Variants in ZSWIM6 observed in about 807,000 individuals in gnomAD.
The protein encoded by ZSWIM6 is zinc finger SWIM domain-containing protein 6.
A neutral mutation model predicts 113.2 loss-of-function variants in ZSWIM6; 9 were observed. That is an observed-to-expected ratio of 0.08 (90% CI 0.05 to 0.14). ZSWIM6 has a LOEUF of 0.14. ZSWIM6 is among the 10% of genes least tolerant of loss of function. The probability of loss-of-function intolerance (pLI) is 1.00; values close to 1 mark genes in which losing one functional copy is unlikely to be tolerated. For synonymous variants in ZSWIM6, 611 were observed against 606.5 expected (o/e 1.01, Z -0.11); for missense variants, 1,162 against 1,552.2 (o/e 0.75, Z 4.22).
chr5:61,541,161 C>G (rs912882195), intron 12 of ZSWIM6, among the ~76,000 whole-genome samples: 1 of 151,992 alleles, frequency 6.6e-6, no homozygotes, highest in Non-Finnish European at 1.5e-5. Flanking sequence ...CCAGGCTGGT[C>G]TCAAACTCCT....
At chr5:61,368,923 G>A (rs1247980234) in intron 1 of ZSWIM6, among the ~76,000 whole-genome samples, 1 of 152,132 alleles carries the variant, frequency 6.6e-6, no homozygotes, top group Admixed American at 6.5e-5. Flanking sequence ...CCTATGATGG[G>A]GTGATAATAC....
chr5:61,515,400 G>A (rs978905350), intron 4 of ZSWIM6, among the ~76,000 whole-genome samples: 4 of 152,134 alleles, frequency 2.6e-5, no homozygotes, highest in African/African-American at 9.7e-5. Flanking sequence ...CTCCCAAAGT[G>A]CTGGGATTAC....
chr5:61,366,021 A>G (rs1181268698), intron 1 of ZSWIM6, among the ~76,000 whole-genome samples: 1 of 152,028 alleles, frequency 6.6e-6, no homozygotes, highest in African/African-American at 2.4e-5. Flanking sequence ...TCCTCCCACC[A>G]GTAGCTGGGA....
At chr5:61,501,998 T>A (rs1748481056) in intron 4 of ZSWIM6, among the ~76,000 whole-genome samples, 1 of 152,152 alleles carries the variant, frequency 6.6e-6, no homozygotes, top group African/African-American at 2.4e-5. Flanking sequence ...GGAAGTCTCC[T>A]TACTAGGCTG....
chr5:61,503,977 G>A, intron 4 of ZSWIM6, among the ~76,000 whole-genome samples: 1 of 152,148 alleles, frequency 6.6e-6, no homozygotes, highest in Middle Eastern at 3.4e-3. Flanking sequence ...AATAGTGAAA[G>A]TAATTTTTAT....
At chr5:61,338,377 A>G (rs1246131065) in intron 1 of ZSWIM6, among the ~76,000 whole-genome samples, 1 of 152,182 alleles carries the variant, frequency 6.6e-6, no homozygotes, top group Non-Finnish European at 1.5e-5. Context: ...TTTCAAGGTT[A>G]ATATAGAATA....
At chr5:61,335,058 T>C (rs1744365078) in intron 1 of ZSWIM6, among the ~76,000 whole-genome samples, 1 of 152,238 alleles carries the variant, frequency 6.6e-6, no homozygotes, top group Non-Finnish European at 1.5e-5. Context: ...GGCAATCTTC[T>C]CTAGGAGACA....
At chr5:61,430,808 A>G (rs1397279958) in intron 1 of ZSWIM6, among the ~76,000 whole-genome samples, 1 of 152,224 alleles carries the variant, frequency 6.6e-6, no homozygotes, top group East Asian at 1.9e-4. Flanking sequence ...TACCTTGATC[A>G]TTCCAATGAA....
chr5:61,386,696 T>A (rs974067901), intron 1 of ZSWIM6, among the ~76,000 whole-genome samples: 2 of 152,138 alleles, frequency 1.3e-5, no homozygotes, highest in Non-Finnish European at 2.9e-5. Context: ...GAAACTTGAG[T>A]GTTGCTAATC....
intron 1 of ZSWIM6, among the ~76,000 whole-genome samples, chr5:61,357,679 A>C (rs1429787754): frequency 6.6e-6 from 1 of 151,950 alleles, no homozygotes; most frequent in Non-Finnish European, 1.5e-5. Flanking sequence ...CTCATGTAGT[A>C]ATTACAGTTT....
chr5:61,416,174 AAGGAATAG>A (rs1746248762), intron 1 of ZSWIM6, among the ~76,000 whole-genome samples: 1 of 152,178 alleles, frequency 6.6e-6, no homozygotes, highest in Non-Finnish European at 1.5e-5. Context: ...AGATTCTTGG[AAGGAATAG>A]AGAGGAAGGA....
At chr5:61,361,725 G>A (rs889350473) in intron 1 of ZSWIM6, among the ~76,000 whole-genome samples, 134 of 152,326 alleles carry the variant, frequency 8.8e-4, no homozygotes, top group African/African-American at 3.1e-3. Flanking sequence ...TCAGGATAAA[G>A]CCTTGGGACA....
chr5:61,336,676 AC>A lies in ZSWIM6; in HGVS notation c.676+3731del, dbSNP rs374874649. Among the ~76,000 whole-genome samples, 72 of 152,036 alleles carry A rather than the reference AC, an allele frequency of 4.7e-4. No homozygotes were observed. The East Asian group carries it at 9.3e-3, about 20-fold the overall frequency. Reference sequence around the variant, plus strand: ...AAGCTGAGGCAGAAGAATGGCTTGAACCCGGGAAGCGGAGGTTGCAGTGAAC... The same window carrying A: ...AAGCTGAGGCAGAAGAATGGCTTGAACCGGGAAGCGGAGGTTGCAGTGAAC... On this transcript the variant is annotated intron_variant, in intron 1 of 13. Coordinates refer to ENST00000252744, the MANE Select transcript of ZSWIM6 (RefSeq NM_020928.2).
At position 61,376,328 on chromosome 5, in the gene ZSWIM6, G is replaced by A. The variant is rs1408359397; in HGVS notation, c.676+43380G>A. Among the ~76,000 whole-genome samples the A allele has an allele frequency of 6.8e-5, 10 of 146,064 alleles. No individual in the cohort carries two copies. The South Asian group carries it at 2.0e-3, about 30-fold the overall frequency. ...CCCTCGTATACTTTTATTTACCTGG[G>A]GAAGGAGCTTTTAGGGTTGGGGGGT... is the stretch of plus-strand genomic sequence containing the variant. On this transcript the variant is annotated intron_variant, in intron 1 of 13. Coordinates refer to ENST00000252744, the MANE Select transcript of ZSWIM6 (RefSeq NM_020928.2).
intron 1 of ZSWIM6, among the ~76,000 whole-genome samples, chr5:61,410,728 A>G (rs1376196147): frequency 6.6e-6 from 1 of 152,242 alleles, no homozygotes; most frequent in Non-Finnish European, 1.5e-5. Flanking sequence ...GTTGTAAACT[A>G]CTGTTACATT....
chr5:61,487,752 G>A (rs911407848), intron 2 of ZSWIM6, among the ~76,000 whole-genome samples: 10 of 151,994 alleles, frequency 6.6e-5, no homozygotes, highest in African/African-American at 2.2e-4. Flanking sequence ...TACTGAATTC[G>A]TTTATCAAAT....
rs1027348356 is a variant in ZSWIM6, at chr5:61,433,382, G to C, written c.677-39299G>C. Among the ~76,000 whole-genome samples the C allele has an allele frequency of 2.0e-5, 3 of 151,998 alleles. No homozygotes were observed. In the East Asian group the frequency reaches 5.8e-4, roughly 29 times the overall value. ...GTGTGCATGTGTGTGTGTGTGAGAT[G>C]TGTGTAGGAGCAAATAAATTAACTT... On this transcript the variant is annotated intron_variant, in intron 1 of 13. Transcript: ENST00000252744.
chr5:61,453,495 C>T (rs1747132447), intron 1 of ZSWIM6, among the ~76,000 whole-genome samples: 1 of 151,828 alleles, frequency 6.6e-6, no homozygotes, highest in Admixed American at 6.6e-5. Flanking sequence ...CCACCTCAAC[C>T]TCCCAAGTAG....
chr5:61,526,603 A>G (rs752491016), intron 7 of ZSWIM6, among the ~76,000 whole-genome samples: 43 of 151,414 alleles, frequency 2.8e-4, no homozygotes, highest in Non-Finnish European at 2.9e-5. Context: ...TTTTTTTTTA[A>G]TCTCTCAGGT....
Sources: allele counts gnomAD v4.1 joint callset (sites outside exome capture counted in the v4.1 genomes callset), GRCh38; gene constraint gnomAD v4.1.1; transcripts MANE v1.5; gene names NCBI Gene and HGNC (gene_info 2026-07-23, HGNC 2026-07-21).